ATAD2: variants seen among roughly 807,000 people sequenced by gnomAD.
The protein encoded by ATAD2 is ATPase family AAA domain containing 2.
In ATAD2, 62 loss-of-function variants were observed where a neutral mutation model predicts 168.9. That is an observed-to-expected ratio of 0.37 (90% confidence interval 0.30 to 0.45). The LOEUF (loss-of-function observed/expected upper bound fraction) is 0.45. ATAD2 is among the 20% of genes least tolerant of loss of function. ATAD2 has a pLI of 1.00. For synonymous variants in ATAD2, 613 were observed against 571.6 expected, an observed-to-expected ratio of 1.07 and a Z score of -1.03; for missense variants, 1,419 against 1,667.8, an observed-to-expected ratio of 0.85 and a Z score of 2.60.
At chr8:123,324,398 T>C (rs1485838901) in intron 26 of ATAD2, among the ~76,000 whole-genome samples, 1 of 152,204 alleles carries the variant, frequency 6.6e-6, no homozygotes, top group Non-Finnish European at 1.5e-5. Flanking sequence ...ATAAAACAGG[T>C]AAATTGGAAT....
upstream of ATAD2, chr8:123,401,005 A>G: frequency 1.3e-6 from 2 of 1,502,016 alleles, no homozygotes; most frequent in East Asian, 4.5e-5. Flanking sequence ...TGGTATCCCC[A>G]TCACTGAGAC....
intron 13 of ATAD2, among the ~76,000 whole-genome samples, chr8:123,353,287 C>A (rs1337421862): frequency 6.6e-6 from 1 of 151,976 alleles, no homozygotes; most frequent in Middle Eastern, 3.2e-3. Flanking sequence ...TAGCTTGAAC[C>A]TGGGAGGTGG....
chr8:123,379,623 C>T (rs1829431385), intron 2 of ATAD2, among the ~76,000 whole-genome samples: 1 of 149,928 alleles, frequency 6.7e-6, no homozygotes, highest in African/African-American at 2.5e-5. Context: ...AGTACAGTGG[C>T]ACGATCTTGC....
Position 123,371,097 on chromosome 8 carries a change from C to G in ATAD2, c.640-107G>C. On this transcript the variant is annotated intron_variant, in intron 5 of 27. Coordinates refer to ENST00000287394, the MANE Select transcript of ATAD2 (RefSeq NM_014109.4). ...AAATTAAGATATTTACAGCCATAAACTCTTACATTTCCAGCAGTAACTAAT... is the reference window on the plus strand; with the variant it reads ...AAATTAAGATATTTACAGCCATAAAGTCTTACATTTCCAGCAGTAACTAAT... 5 of 1,125,064 alleles carry G rather than the reference C, an allele frequency of 4.4e-6. No individual in the cohort carries two copies. The South Asian group carries it at 8.4e-5, about 19-fold the overall frequency. The allele number at this position is 1,125,064 out of a possible 1,614,324, so 69.7% of individuals were successfully genotyped here.
intron 1 of ATAD2, among the ~76,000 whole-genome samples, chr8:123,384,530 T>C (rs1416144988): frequency 6.6e-6 from 1 of 152,180 alleles, no homozygotes; most frequent in African/African-American, 2.4e-5. Context: ...CCTAGCAATG[T>C]CTTCAGAATG....
In ATAD2 at chr8:123,396,324, T is replaced by G; in HGVS notation, c.34A>C (p.Asn12His). The G allele has an allele frequency of 1.2e-6, 2 of 1,606,316 alleles. No individual in the cohort carries two copies. Among genetic ancestry groups the G allele is most frequent in the Non-Finnish European group, 1.7e-6 (2 of 1,177,516 alleles). ...CCCGTGGCCGAGGCCGCGGAGTGGT[T>G]GTGCAGCTCCAAGCTGCTGCGGAGA... ...VVLRSSLELH[N>H]HSAASATGSL... Residue 12 changes from asparagine (N) to histidine (H), a missense_variant, in exon 1 of 28, where the codon AAC becomes CAC. Transcript: ENST00000287394.
At chr8:123,371,374 TA>T (rs754387642) in intron 4 of ATAD2, 36 bp from the exon 5 acceptor site, 1 of 1,509,776 alleles carries the variant, frequency 6.6e-7, no homozygotes, top group East Asian at 2.3e-5. Flanking sequence ...GTGAAAATTG[TA>T]AAAGAGTAGC....
intron 1 of ATAD2, among the ~76,000 whole-genome samples, chr8:123,391,994 C>T (rs576126787): frequency 1.3e-5 from 2 of 152,296 alleles, no homozygotes; most frequent in South Asian, 4.1e-4. Context: ...ATCCTTTCTA[C>T]CCTACAACAT....
chr8:123,369,553 A>T (rs1271361820), intron 7 of ATAD2, among the ~76,000 whole-genome samples: 1 of 152,200 alleles, frequency 6.6e-6, no homozygotes, highest in Non-Finnish European at 1.5e-5. Context: ...CTGACAAAAT[A>T]AATTAAGTAG....
At chr8:123,370,761 T>C in intron 6 of ATAD2, 142 bp downstream of exon 6, 1 of 607,898 alleles carries the variant, frequency 1.6e-6, no homozygotes, top group South Asian at 2.3e-5. Context: ...GCTCTCCCCT[T>C]TCCCCACTTT....
intron 18 of ATAD2, among the ~76,000 whole-genome samples, chr8:123,345,376 A>T (rs1157386255): frequency 1.3e-5 from 2 of 152,172 alleles, no homozygotes; most frequent in African/African-American, 4.8e-5. Context: ...AAAAATGTTA[A>T]TATAGCCAGG....
chr8:123,352,725 AAAC>A lies in ATAD2; in HGVS notation c.1647-3284_1647-3282del, dbSNP rs537082180. 491 of 151,612 alleles carry A rather than the reference AAAC, an allele frequency of 3.2e-3. 1 individual carries two copies. Among genetic ancestry groups the A allele is most frequent in the African/African-American group, 0.011 (457 of 41,414 alleles). 9.4% of individuals were successfully genotyped at this position (151,612 alleles called of 1,614,324 possible). On this transcript the variant is annotated intron_variant, in intron 13 of 27. Transcript: ENST00000287394. ...ATAAGATGTTTTCTTTTAAAAAAAAAAACAACAAAAACAAAATCAAAAACAACA... is the reference window on the plus strand; with the variant it reads ...ATAAGATGTTTTCTTTTAAAAAAAAAAACAAAAACAAAATCAAAAACAACA...
intron 13 of ATAD2, chr8:123,352,133 C>A (rs1563845325): frequency 6.6e-6 from 1 of 152,320 alleles, no homozygotes; most frequent in Admixed American, 6.5e-5. Flanking sequence ...GCTCATTCTG[C>A]ACTTTCTGGT....
Position 123,344,965 on chromosome 8 carries a change from T to A in ATAD2, c.2637A>T (p.Thr879=), listed in dbSNP as rs1283155716. The A allele has an allele frequency of 2.5e-6, 4 of 1,613,968 alleles. No homozygotes were observed. In the Admixed American group the frequency reaches 6.7e-5, roughly 27 times the overall value. ...VGPTLKATFT[T]LLQNIPSFAP... is the part of the protein sequence containing the mutation. ...CAAATGAAGGAATATTCTGTAATAA[T>A]GTGGTAAATGTGGCTTTAAGTGTCG... Residue 879 remains threonine, a synonymous_variant, in exon 19 of 28, where the codon ACA becomes ACT. Transcript: ENST00000287394.
chr8:123,322,837 G>C, intron 27 of ATAD2, 101 bp downstream of exon 27: 2 of 1,248,132 alleles, frequency 1.6e-6, no homozygotes, highest in Non-Finnish European at 2.2e-6. Flanking sequence ...CCTACAATCA[G>C]TTTCTTACAC....
chr8:123,412,615 T>TTTG (rs1813176222), intron 1 of ATAD2, among the ~76,000 whole-genome samples: 1 of 151,894 alleles, frequency 6.6e-6, no homozygotes, highest in Non-Finnish European at 1.5e-5. Flanking sequence ...ATTTTTTTTT[T>TTTG]GTAGAGACAG....
At chr8:123,341,099 T>C (rs1032953443) in intron 19 of ATAD2, among the ~76,000 whole-genome samples, 5 of 152,078 alleles carry the variant, frequency 3.3e-5, no homozygotes, top group African/African-American at 1.2e-4. Context: ...CACACCACCA[T>C]GCTCATTTTA....
chr8:123,337,566 C>T, intron 21 of ATAD2, 59 bp downstream of exon 21: 5 of 1,435,488 alleles, frequency 3.5e-6, no homozygotes, highest in Non-Finnish European at 4.7e-6. Flanking sequence ...CTTCAAATAT[C>T]CTTTGATTGT....
intron 27 of ATAD2, among the ~76,000 whole-genome samples, chr8:123,321,730 T>A (rs1273628579): frequency 6.6e-6 from 1 of 151,948 alleles, no homozygotes; most frequent in African/African-American, 2.4e-5. Flanking sequence ...AGCTACGAAT[T>A]TGGGACCATC....
Sources: gnomAD v4.1 joint callset for allele counts (sites outside exome capture counted in the v4.1 genomes callset) on GRCh38, gnomAD v4.1.1 for gene constraint, MANE v1.5 for transcripts, NCBI Gene and HGNC (gene_info 2026-07-23, HGNC 2026-07-21) for gene names.